MEGF10: variants seen among roughly 807,000 people sequenced by gnomAD.
MEGF10 encodes multiple epidermal growth factor-like domains protein 10.
A neutral mutation model predicts 147.5 loss-of-function variants in MEGF10; 86 were observed. That is an observed-to-expected ratio of 0.58 (90% confidence interval 0.49 to 0.70). The LOEUF (loss-of-function observed/expected upper bound fraction) is 0.70, where lower values mean the gene tolerates loss of function less well. Among genes scored for constraint, MEGF10 ranks in the 30% least tolerant of loss-of-function variants. The probability of loss-of-function intolerance (pLI) is 0.00; values close to 1 mark genes in which losing one functional copy is unlikely to be tolerated. For missense variants in MEGF10, 1,329 were observed against 1,487.3 expected (o/e 0.89, Z 1.75); for synonymous variants, 478 against 525.5 (o/e 0.91, Z 1.24).
intron 5 of MEGF10, among the ~76,000 whole-genome samples, chr5:127,395,669 CGAGTAGCTGG>C (rs1763883259): frequency 6.6e-6 from 1 of 151,272 alleles, no homozygotes; most frequent in Admixed American, 6.6e-5. Context: ...CTCAGCCTCC[CGAGTAGCTGG>C]GACTACAGGC....
chr5:127,231,366 G>A, the MEGF10 span, among the ~76,000 whole-genome samples: 5 of 152,254 alleles, frequency 3.3e-5, no homozygotes, highest in South Asian at 8.3e-4. Flanking sequence ...GTTGCCACAT[G>A]GCCTCCTTCC....
At chr5:127,247,416 GAAGA>G in the MEGF10 span, among the ~76,000 whole-genome samples, 1 of 77,288 alleles carries the variant, frequency 1.3e-5, no homozygotes, top group Non-Finnish European at 2.5e-5. Context: ...AGAAGAAGAA[GAAGA>G]AGAAGAAGAA....
At chr5:127,301,635 C>T (rs946822094) in intron 1 of MEGF10, among the ~76,000 whole-genome samples, 2 of 152,172 alleles carry the variant, frequency 1.3e-5, no homozygotes, top group African/African-American at 4.8e-5. Context: ...GCTGGAATCC[C>T]TTCTCTACCA....
intron 4 of MEGF10, among the ~76,000 whole-genome samples, chr5:127,341,199 C>A (rs1261339129): frequency 6.6e-6 from 1 of 152,180 alleles, no homozygotes; most frequent in East Asian, 1.9e-4. Flanking sequence ...AGTTTCGTAT[C>A]TTATGACACA....
intron 1 of MEGF10, among the ~76,000 whole-genome samples, chr5:127,325,909 AT>A (rs201136774): frequency 0.094 from 9,817 of 104,732 alleles, 402 homozygotes; most frequent in African/African-American, 0.12. Context: ...ATATATATAT[AT>A]TTTTTTTTTT....
chr5:127,285,975 G>C (rs566493101), upstream of MEGF10, among the ~76,000 whole-genome samples: 1 of 151,978 alleles, frequency 6.6e-6, no homozygotes, highest in African/African-American at 2.4e-5. Flanking sequence ...AATACTATTC[G>C]GCCATAAAAA....
intron 1 of MEGF10, among the ~76,000 whole-genome samples, chr5:127,311,653 AT>A (rs1760291989): frequency 6.6e-6 from 1 of 152,188 alleles, no homozygotes; most frequent in Non-Finnish European, 1.5e-5. Context: ...TGTGTCTGGA[AT>A]TTGCAGTTTT....
chr5:127,402,556 G>A lies in MEGF10; in HGVS notation c.791G>A (p.Cys264Tyr). ...SCPSGWMGTV[C>Y]GQPCPEGRFG... ...TCTCTTTGAATGCAGGGCACAGTGT[G>A]TGGTCAGCCTTGCCCCGAGGGTCGC... is the stretch of plus-strand genomic sequence containing the variant. Residue 264 changes from cysteine to tyrosine, a missense_variant, in exon 8 of 25, where the codon TGT (cysteine) becomes TAT (tyrosine). Cys to Tyr is a radical substitution (Grantham distance 194). Coordinates refer to ENST00000503335, the MANE Select transcript of MEGF10 (RefSeq NM_001256545.2). 1 of 1,613,682 alleles carries A rather than the reference G, an allele frequency of 6.2e-7. No individual in the cohort carries two copies. The highest frequency in any genetic ancestry group is 8.5e-7 in the Non-Finnish European group (1 of 1,179,812).
At position 127,345,054 on chromosome 5, in the gene MEGF10, C is replaced by T. The variant is rs984802987; in HGVS notation, c.319+4424C>T. On this transcript the variant is annotated intron_variant, in intron 4 of 24. Transcript: ENST00000503335. ...CATATTAATACATTGAGGGCCAGAG[C>T]GTCCTGGAGTTAGTCTTTCATGTAG... Among the ~76,000 whole-genome samples the T allele has an allele frequency of 3.3e-5, 5 of 152,158 alleles. No individual in the cohort carries two copies. In the East Asian group the frequency reaches 7.7e-4, roughly 23 times the overall value.
the MEGF10 span, among the ~76,000 whole-genome samples, chr5:127,241,384 G>C: frequency 6.6e-6 from 1 of 152,066 alleles, no homozygotes; most frequent in Admixed American, 6.6e-5. Context: ...TCTTCTTATA[G>C]GTAACAAAGG....
At position 127,455,618 on chromosome 5, in the gene MEGF10, T is replaced by C. The variant is rs757974582; in HGVS notation, c.3232+11T>C. On this transcript the variant is annotated intron_variant, in intron 24 of 24. Transcript: ENST00000503335. ...ATGTCTATGAAGTTGGTGAGTTCCC[T>C]TAACCATAGAAAGAACCGAGTGCTT... The C allele has an allele frequency of 4.3e-6, 7 of 1,612,752 alleles. No individual in the cohort carries two copies. In the South Asian group the frequency reaches 7.7e-5, roughly 18 times the overall value.
intron 20 of MEGF10, among the ~76,000 whole-genome samples, chr5:127,446,497 C>T (rs1580881506): frequency 2.0e-5 from 3 of 152,256 alleles, no homozygotes; most frequent in East Asian, 1.9e-4. Flanking sequence ...TCAAATGATA[C>T]CTTCCCAGCT....
chr5:127,342,694 A>C (rs763382644), intron 4 of MEGF10, among the ~76,000 whole-genome samples: 1 of 152,160 alleles, frequency 6.6e-6, no homozygotes, highest in Non-Finnish European at 1.5e-5. Context: ...CTGAAATTAC[A>C]TGGGTAAAAA....
At chr5:127,347,085 T>C (rs1460673674) in intron 4 of MEGF10, among the ~76,000 whole-genome samples, 3 of 152,134 alleles carry the variant, frequency 2.0e-5, no homozygotes, top group Non-Finnish European at 4.4e-5. Context: ...ACTCAAAATA[T>C]TTTCAGATTT....
the MEGF10 span, among the ~76,000 whole-genome samples, chr5:127,254,891 A>T: frequency 6.6e-6 from 1 of 151,672 alleles, no homozygotes; most frequent in African/African-American, 2.4e-5. Flanking sequence ...GCACAGATAA[A>T]ACCAACTCAC....
chr5:127,378,869 T>C (rs766219877), intron 5 of MEGF10, among the ~76,000 whole-genome samples: 10 of 151,506 alleles, frequency 6.6e-5, no homozygotes, highest in Non-Finnish European at 2.9e-5. Context: ...TTTTTTTTTT[T>C]GGTGCATTAT....
chr5:127,253,517 A>G, the MEGF10 span, among the ~76,000 whole-genome samples: 1 of 152,052 alleles, frequency 6.6e-6, no homozygotes, highest in Non-Finnish European at 1.5e-5. Context: ...ATAATACACA[A>G]TTATAGTTAT....
chr5:127,402,486 C>T (rs1171819112), intron 7 of MEGF10, 60 bp from the exon 8 acceptor site: 6 of 1,560,430 alleles, frequency 3.8e-6, no homozygotes, highest in Non-Finnish European at 5.2e-6. Flanking sequence ...CTTCTTCATC[C>T]ATCAGTTGTC....
At chr5:127,279,373 G>A in the MEGF10 span, among the ~76,000 whole-genome samples, 6 of 152,140 alleles carry the variant, frequency 3.9e-5, no homozygotes, top group Non-Finnish European at 7.4e-5. Flanking sequence ...TGTGGCAATA[G>A]TAGTGAGTAG....
Sources: gnomAD v4.1 joint callset for allele counts (sites outside exome capture counted in the v4.1 genomes callset) on GRCh38, gnomAD v4.1.1 for gene constraint, MANE v1.5 for transcripts, NCBI Gene and HGNC (gene_info 2026-07-23, HGNC 2026-07-21) for gene names.